The following NRXN3 variants were observed in gnomAD, a reference collection of about 807,000 sequenced individuals.
NRXN3 encodes neurexin 3, also known as neurexin III.
In NRXN3, 32 loss-of-function variants were observed where a neutral mutation model predicts 137.6. The ratio of observed to expected loss-of-function variants is 0.23; its 90% confidence interval spans 0.18 to 0.31. NRXN3 has a LOEUF of 0.31. Ranked by LOEUF, NRXN3 falls within the 10% of genes least tolerant of loss-of-function variation. The probability of loss-of-function intolerance (pLI) is 1.00; values close to 1 mark genes in which losing one functional copy is unlikely to be tolerated. For missense variants in NRXN3, 1,574 were observed against 2,062.5 expected (o/e 0.76, Z 4.59); for synonymous variants, 798 against 784.5 (o/e 1.02, Z -0.29).
chr14:79,795,372 AC>A (rs1247385841), intron 19 of NRXN3, among the ~76,000 whole-genome samples: 1 of 152,076 alleles, frequency 6.6e-6, no homozygotes, highest in East Asian at 1.9e-4. Flanking sequence ...GACATTCCCT[AC>A]CTAGAGATTT....
intron 4 of NRXN3, among the ~76,000 whole-genome samples, chr14:78,371,161 CT>C (rs2153616771): frequency 6.6e-6 from 1 of 152,228 alleles, no homozygotes; most frequent in Non-Finnish European, 1.5e-5. Context: ...CAAATGCTAC[CT>C]TTTTGGCCTG....
intron 15 of NRXN3, among the ~76,000 whole-genome samples, chr14:79,083,706 G>T (rs993640473): frequency 6.6e-6 from 1 of 152,190 alleles, no homozygotes; most frequent in South Asian, 2.1e-4. Flanking sequence ...AGAGTATTTT[G>T]TGACTGGAAA....
At position 78,885,574 on chromosome 14, in the gene NRXN3, G is replaced by A. The variant is rs529762725; in HGVS notation, c.2276-71668G>A. Among the ~76,000 whole-genome samples the A allele has an allele frequency of 3.3e-5, 5 of 152,148 alleles. No individual in the cohort carries two copies. In the South Asian group the frequency reaches 1.0e-3, roughly 32 times the overall value. The stretch of plus-strand genomic sequence containing the variant: ...TAGTTGCAGTAACAGTCTACCAGTT[G>A]TCTTTCCAAATTTGTATGATGTCAT... On this transcript the variant is annotated intron_variant, in intron 10 of 20. Transcript: ENST00000335750.
At chr14:78,397,675 C>G (rs2091611827) in intron 4 of NRXN3, among the ~76,000 whole-genome samples, 1 of 151,828 alleles carries the variant, frequency 6.6e-6, no homozygotes, top group African/African-American at 2.4e-5. Context: ...GCGATTTTGG[C>G]TCACTGCAAC....
At chr14:78,600,824 T>C (rs778121422) in intron 4 of NRXN3, among the ~76,000 whole-genome samples, 10 of 152,184 alleles carry the variant, frequency 6.6e-5, no homozygotes, top group Non-Finnish European at 1.3e-4. Context: ...CAAAAGTCAC[T>C]TCTCTATTTC....
intron 15 of NRXN3, among the ~76,000 whole-genome samples, chr14:79,032,755 G>A (rs1364984693): frequency 6.6e-6 from 1 of 152,122 alleles, no homozygotes; most frequent in Non-Finnish European, 1.5e-5. Context: ...ATAAAATGCA[G>A]TATAGTATGC....
intron 15 of NRXN3, among the ~76,000 whole-genome samples, chr14:79,413,434 C>A (rs1009032152): frequency 2.0e-5 from 3 of 152,038 alleles, no homozygotes; most frequent in African/African-American, 7.2e-5. Context: ...GCTGCCATTA[C>A]GCAGTTTTGG....
chr14:78,797,555 A>G (rs1344946952), intron 8 of NRXN3, among the ~76,000 whole-genome samples: 2 of 152,240 alleles, frequency 1.3e-5, no homozygotes, highest in Non-Finnish European at 2.9e-5. Context: ...CATATTGTAT[A>G]TGTCTATTCA....
chr14:78,531,412 G>T (rs1488268739), intron 4 of NRXN3, among the ~76,000 whole-genome samples: 1 of 152,174 alleles, frequency 6.6e-6, no homozygotes, highest in Non-Finnish European at 1.5e-5. Context: ...AATGAGAATT[G>T]CTACAACTAA....
intron 4 of NRXN3, among the ~76,000 whole-genome samples, chr14:78,379,988 T>A (rs1187246295): frequency 6.6e-6 from 1 of 152,192 alleles, no homozygotes; most frequent in Non-Finnish European, 1.5e-5. Context: ...ATGCCATTTA[T>A]AATGGCTCAG....
chr14:78,806,062 T>TA (rs1555504287), intron 9 of NRXN3, among the ~76,000 whole-genome samples: 2 of 138,054 alleles, frequency 1.4e-5, no homozygotes, highest in South Asian at 2.3e-4. Flanking sequence ...TTTTTTTTTT[T>TA]CCCCTTTGGC....
At chr14:79,389,776 TAATG>T (rs2153470753) in intron 15 of NRXN3, among the ~76,000 whole-genome samples, 1 of 152,310 alleles carries the variant, frequency 6.6e-6, no homozygotes, top group African/African-American at 2.4e-5. Flanking sequence ...CATGCTGAAT[TAATG>T]AAAGGTCTGT....
At chr14:79,380,572 C>T (rs2094443221) in intron 15 of NRXN3, among the ~76,000 whole-genome samples, 1 of 152,074 alleles carries the variant, frequency 6.6e-6, no homozygotes, top group Non-Finnish European at 1.5e-5. Context: ...GTATATGTGC[C>T]ACATTTTCTT....
At chr14:79,448,440 A>G (rs144021393) in intron 15 of NRXN3, among the ~76,000 whole-genome samples, 433 of 152,330 alleles carry the variant, frequency 2.8e-3, no homozygotes, top group African/African-American at 9.5e-3. Flanking sequence ...TATGATCTCT[A>G]TTAAGTCAAG....
At chr14:78,502,623 T>C (rs1389307669) in intron 4 of NRXN3, among the ~76,000 whole-genome samples, 1 of 152,218 alleles carries the variant, frequency 6.6e-6, no homozygotes, top group Non-Finnish European at 1.5e-5. Context: ...TTTTCTTGCC[T>C]GTCAAAAATG....
chr14:79,835,641 T>C (rs2099339314), intron 20 of NRXN3, among the ~76,000 whole-genome samples: 1 of 152,160 alleles, frequency 6.6e-6, no homozygotes, highest in Admixed American at 6.6e-5. Context: ...GTAGAAAGAA[T>C]TGAATAGCTA....
chr14:78,555,766 T>C (rs2096731641), intron 4 of NRXN3, among the ~76,000 whole-genome samples: 1 of 152,228 alleles, frequency 6.6e-6, no homozygotes, highest in Non-Finnish European at 1.5e-5. Context: ...TGGAATATTA[T>C]TGATCCCAGA....
chr14:79,263,801 A>G (rs954137934), intron 15 of NRXN3, among the ~76,000 whole-genome samples: 4 of 151,946 alleles, frequency 2.6e-5, no homozygotes, highest in Non-Finnish European at 5.9e-5. Flanking sequence ...ATCCTACCAT[A>G]GATATTATGT....
chr14:78,861,311 T>C (rs571912895), intron 10 of NRXN3, among the ~76,000 whole-genome samples: 72 of 152,288 alleles, frequency 4.7e-4, no homozygotes, highest in Non-Finnish European at 8.4e-4. Context: ...AATATTTGTA[T>C]CTGTCTACTC....
Sources: gnomAD v4.1 joint callset for allele counts (sites outside exome capture counted in the v4.1 genomes callset) on GRCh38, gnomAD v4.1.1 for gene constraint, MANE v1.5 for transcripts, NCBI Gene and HGNC (gene_info 2026-07-23, HGNC 2026-07-21) for gene names.